Variants in TCF12 observed in about 807,000 individuals in gnomAD.
The protein encoded by TCF12 is DNA-binding protein HTF4.
TCF12 carries 45 observed loss-of-function variants against 86.0 expected under a neutral mutation model. The ratio of observed to expected loss-of-function variants is 0.52; its 90% CI spans 0.41 to 0.67. The LOEUF (loss-of-function observed/expected upper bound fraction) is 0.67. Ranked by LOEUF, TCF12 falls within the 30% of genes least tolerant of loss-of-function variation. TCF12 has a pLI of 0.00. For synonymous variants in TCF12, 330 were observed against 299.6 expected (o/e 1.10, Z -1.05); for missense variants, 881 against 859.9 (o/e 1.02, Z -0.31).
intron 5 of TCF12, among the ~76,000 whole-genome samples, chr15:57,163,307 C>A (rs1190039069): frequency 6.6e-6 from 1 of 152,156 alleles, no homozygotes; most frequent in Non-Finnish European, 1.5e-5. Context: ...GTATCATTTT[C>A]ATTAAAGTAT....
chr15:57,133,108 C>T (rs971302311), intron 5 of TCF12, among the ~76,000 whole-genome samples: 7 of 152,118 alleles, frequency 4.6e-5, no homozygotes, highest in Non-Finnish European at 1.0e-4. Context: ...TACTTTCATC[C>T]TCCTTTGTTT....
chr15:57,255,944 C>T (rs1405780401), intron 16 of TCF12, among the ~76,000 whole-genome samples: 1 of 152,184 alleles, frequency 6.6e-6, no homozygotes, highest in African/African-American at 2.4e-5. Context: ...CTCTTCAGTC[C>T]TTATCACCTT....
At chr15:57,055,391 ACT>A (rs1366907765) in intron 3 of TCF12, among the ~76,000 whole-genome samples, 1 of 151,838 alleles carries the variant, frequency 6.6e-6, no homozygotes, top group Admixed American at 6.6e-5. Context: ...ACGAGCAAAA[ACT>A]CTGTCTCAAA....
At chr15:57,072,916 A>AGGC (rs2069533763) in intron 4 of TCF12, among the ~76,000 whole-genome samples, 2 of 152,214 alleles carry the variant, frequency 1.3e-5, no homozygotes, top group African/African-American at 2.4e-5. Flanking sequence ...TATAAATTAT[A>AGGC]ACCTAAATGT....
chr15:57,132,151 A>C (rs1255282179), intron 5 of TCF12, among the ~76,000 whole-genome samples: 1 of 152,166 alleles, frequency 6.6e-6, no homozygotes, highest in African/African-American at 2.4e-5. Context: ...CCCCCTCACT[A>C]AAACAAACAA....
At chr15:57,258,766 A>C (rs7173477) in intron 16 of TCF12, among the ~76,000 whole-genome samples, 43,036 of 152,048 alleles carry the variant, frequency 0.28, 7,596 homozygotes, top group African/African-American at 0.49. Context: ...ATGATTTAAA[A>C]ATATAAATCA....
intron 3 of TCF12, among the ~76,000 whole-genome samples, chr15:56,982,159 G>A (rs1181514430): frequency 6.6e-6 from 1 of 152,124 alleles, no homozygotes; most frequent in African/African-American, 2.4e-5. Context: ...ACTCAGGTAG[G>A]CTTTAGAGAT....
intron 6 of TCF12, among the ~76,000 whole-genome samples, chr15:57,169,914 A>C (rs1378266589): frequency 1.3e-5 from 2 of 152,244 alleles, no homozygotes; most frequent in Non-Finnish European, 2.9e-5. Flanking sequence ...CCAAGGATTA[A>C]TGTGCATTTG....
chr15:57,103,696 A>T (rs910188392), intron 5 of TCF12, among the ~76,000 whole-genome samples: 2 of 152,244 alleles, frequency 1.3e-5, no homozygotes, highest in African/African-American at 2.4e-5. Context: ...ACATCACCCA[A>T]TATGGGACTA....
intron 5 of TCF12, among the ~76,000 whole-genome samples, chr15:57,123,337 A>C (rs2051371755): frequency 6.6e-6 from 1 of 152,216 alleles, no homozygotes; most frequent in Admixed American, 6.5e-5. Context: ...AACAATGTTT[A>C]AAATTTTTTA....
chr15:57,254,306 T>C (rs1265015003), intron 16 of TCF12, among the ~76,000 whole-genome samples: 1 of 152,210 alleles, frequency 6.6e-6, no homozygotes, highest in African/African-American at 2.4e-5. Flanking sequence ...GCTTGTATTC[T>C]GTAAGATAGG....
At chr15:57,137,048 C>T (rs2052598999) in intron 5 of TCF12, among the ~76,000 whole-genome samples, 1 of 137,008 alleles carries the variant, frequency 7.3e-6, no homozygotes, top group Non-Finnish European at 1.5e-5. Flanking sequence ...GGCGCGATCT[C>T]GGCTCACTGC....
At chr15:57,261,478 T>G (rs1272717061) in intron 16 of TCF12, among the ~76,000 whole-genome samples, 1 of 152,170 alleles carries the variant, frequency 6.6e-6, no homozygotes, top group African/African-American at 2.4e-5. Context: ...ATTCAAAGCT[T>G]GGCAGTTTAC....
At chr15:57,061,442 A>T (rs1425851198) in intron 3 of TCF12, among the ~76,000 whole-genome samples, 3 of 152,182 alleles carry the variant, frequency 2.0e-5, no homozygotes, top group Admixed American at 6.5e-5. Context: ...AAAATAAAAA[A>T]AAAAATTAAT....
At chr15:56,967,606 T>C (rs1198217049) in intron 3 of TCF12, among the ~76,000 whole-genome samples, 3 of 152,180 alleles carry the variant, frequency 2.0e-5, no homozygotes, top group African/African-American at 7.2e-5. Flanking sequence ...TTTGCTCACT[T>C]TTATATGTAA....
intron 7 of TCF12, among the ~76,000 whole-genome samples, chr15:57,195,868 G>A (rs539746329): frequency 9.4e-4 from 143 of 152,148 alleles, no homozygotes; most frequent in Non-Finnish European, 4.3e-4. Flanking sequence ...AGCTGGGTGC[G>A]GTGGCACACA....
chr15:57,255,961 G>A (rs1273664496), intron 16 of TCF12, among the ~76,000 whole-genome samples: 2 of 152,128 alleles, frequency 1.3e-5, no homozygotes, highest in Admixed American at 6.5e-5. Flanking sequence ...CCTTCTCAGC[G>A]GGTACAGAGC....
Position 57,273,144 on chromosome 15 carries a change from A to G in TCF12, c.1860A>G (p.Ala620=). The part of the protein sequence containing the change: ...ERLRVRDINE[A]FKELGRMCQL... ...TACGCGTGCGGGATATTAATGAAGC[A>G]TTCAAAGAGCTTGGCCGAATGTGTC... The change falls in exon 19 of 21, where the codon GCA becomes GCG. Residue 620 remains alanine, a synonymous_variant. Coordinates refer to ENST00000333725, the MANE Select transcript of TCF12 (RefSeq NM_207037.2). 1 of 1,614,258 alleles carries G rather than the reference A, an allele frequency of 6.2e-7. No individual in the cohort carries two copies. Among genetic ancestry groups the G allele is most frequent in the Non-Finnish European group, 8.5e-7 (1 of 1,180,038 alleles).
At chr15:57,076,686 AT>A (rs1383124535) in intron 4 of TCF12, among the ~76,000 whole-genome samples, 9 of 151,876 alleles carry the variant, frequency 5.9e-5, no homozygotes, top group South Asian at 2.1e-4. Flanking sequence ...TTTTTCCCAC[AT>A]TTTTTTCCAT....
Sources: gnomAD v4.1 joint callset for allele counts (sites outside exome capture counted in the v4.1 genomes callset) on GRCh38, gnomAD v4.1.1 for gene constraint, MANE v1.5 for transcripts, NCBI Gene and HGNC (gene_info 2026-07-23, HGNC 2026-07-21) for gene names.